Variants in UGT1A10 observed in about 807,000 individuals in gnomAD.
UGT1A10 encodes UDP glucuronosyltransferase family 1 member A10, also known as UDP-glucuronosyltransferase 1A10.
Under a neutral mutation model 45.8 loss-of-function variants are expected in UGT1A10, and 49 were observed. The observed-to-expected ratio is 1.07, with a 90% confidence interval of 0.85 to 1.36. The LOEUF is 1.36. UGT1A10 is among the 40% of genes most tolerant of loss of function. The pLI is 0.00. For synonymous variants in UGT1A10, 284 were observed against 249.7 expected, an observed-to-expected ratio of 1.14 and a Z score of -1.29; for missense variants, 745 against 668.6, an observed-to-expected ratio of 1.11 and a Z score of -1.26.
chr2:233,637,815 G>A (rs2073341296), intron 1 of UGT1A10, among the ~76,000 whole-genome samples: 1 of 152,074 alleles, frequency 6.6e-6, no homozygotes. Flanking sequence ...CTAGTATTGG[G>A]CTGAACATAT....
At chr2:233,688,087 T>C (rs1438237954) in intron 1 of UGT1A10, among the ~76,000 whole-genome samples, 1 of 152,198 alleles carries the variant, frequency 6.6e-6, no homozygotes, top group Non-Finnish European at 1.5e-5. Context: ...TGGCAGTCAC[T>C]CCTTATTTCT....
At chr2:233,751,205 G>C (rs1471569540) in intron 1 of UGT1A10, among the ~76,000 whole-genome samples, 1 of 151,980 alleles carries the variant, frequency 6.6e-6, no homozygotes, top group East Asian at 1.9e-4. Context: ...TAATTTTGGA[G>C]CTTTAAGATT....
intron 1 of UGT1A10, among the ~76,000 whole-genome samples, chr2:233,679,592 T>C (rs746146056): frequency 6.6e-6 from 1 of 152,178 alleles, no homozygotes; most frequent in Non-Finnish European, 1.5e-5. Context: ...TAGGGCACTG[T>C]CATCTGTATT....
intron 1 of UGT1A10, among the ~76,000 whole-genome samples, chr2:233,715,640 T>C (rs6749496): frequency 0.45 from 68,545 of 151,744 alleles, 16,739 homozygotes; most frequent in African/African-American, 0.65. Flanking sequence ...GGTGTGATGG[T>C]GCACACCTGT....
chr2:233,657,960 T>C (rs1000071598), intron 1 of UGT1A10, among the ~76,000 whole-genome samples: 1 of 152,122 alleles, frequency 6.6e-6, no homozygotes, highest in Non-Finnish European at 1.5e-5. Flanking sequence ...TTTAGATTTA[T>C]GCAAGGTTGC....
intron 1 of UGT1A10, among the ~76,000 whole-genome samples, chr2:233,715,560 C>G (rs1442494993): frequency 6.6e-6 from 1 of 151,940 alleles, no homozygotes; most frequent in Non-Finnish European, 1.5e-5. Context: ...TTGCTTGAGC[C>G]CAGGAGTCTG....
At chr2:233,671,951 G>A in intron 1 of UGT1A10, 1 of 1,612,762 alleles carries the variant, frequency 6.2e-7, no homozygotes, top group Non-Finnish European at 8.5e-7. Flanking sequence ...TGCACAGGGT[G>A]GACCAGCCCC....
chr2:233,647,070 C>T (rs1323093558), intron 1 of UGT1A10, among the ~76,000 whole-genome samples: 1 of 152,154 alleles, frequency 6.6e-6, no homozygotes, highest in Non-Finnish European at 1.5e-5. Context: ...TGGCAGCAGG[C>T]AAAGAAAGAG....
At position 233,726,533 on chromosome 2, in the gene UGT1A10, T is replaced by A. The variant is rs137884308; in HGVS notation, c.856-40501T>A. 1.1e-3 allele frequency among the ~76,000 whole-genome samples: 170 copies of A among 152,338 alleles called. 1 individual carries two copies. Among genetic ancestry groups the A allele is most frequent in the African/African-American group, 3.9e-3 (162 of 41,582 alleles). On this transcript the variant is annotated intron_variant, in intron 1 of 4. Coordinates refer to ENST00000344644, the MANE Select transcript of UGT1A10 (RefSeq NM_019075.4). ...TGGTACTTTTCCACTTTTAGGGAGATGCAGTGCAGCGTCTTCAAGTCTCCC... is the reference window on the plus strand; with the variant it reads ...TGGTACTTTTCCACTTTTAGGGAGAAGCAGTGCAGCGTCTTCAAGTCTCCC...
intron 1 of UGT1A10, among the ~76,000 whole-genome samples, chr2:233,707,554 G>GTTTTTTTTTTTTTTTTTTTTTTT (rs2075972438): frequency 7.1e-6 from 1 of 141,820 alleles, no homozygotes. Context: ...TTTTTTTTTG[G>GTTTTTTTTTTTTTTTTTTTTTTT]TTCAACCTTA....
chr2:233,690,446 T>G, intron 1 of UGT1A10: 3 of 1,286,108 alleles, frequency 2.3e-6, no homozygotes, highest in Non-Finnish European at 3.0e-6. Flanking sequence ...CTCTCCTCTA[T>G]TCAAAATGCC....
At chr2:233,639,161 T>C (rs1449959660) in intron 1 of UGT1A10, among the ~76,000 whole-genome samples, 1 of 152,246 alleles carries the variant, frequency 6.6e-6, no homozygotes, top group African/African-American at 2.4e-5. Flanking sequence ...AAATGAAACA[T>C]TAAACTATAT....
At chr2:233,760,461 T>A in intron 1 of UGT1A10, 1 of 1,614,224 alleles carries the variant, frequency 6.2e-7, no homozygotes, top group Non-Finnish European at 8.5e-7. Context: ...ATGAAATAGT[T>A]GTCCTAGCAC....
Position 233,637,301 on chromosome 2 carries a change from A to G in UGT1A10, c.779A>G (p.Asp260Gly), listed in dbSNP as rs764913978. The change falls in exon 1 of 5, where the codon GAC becomes GGC. Residue 260 changes from aspartate to glycine, a missense_variant. Physicochemically the swap from Asp to Gly is moderately conservative, Grantham distance 94. Transcript: ENST00000344644. ...TTGTTGCGAACGGACTTTGTTTTGG[A>G]CTATCCCAAACCCGTGATGCCCAAC... ...IWLLRTDFVL[D>G]YPKPVMPNMI... The G allele has an allele frequency of 6.2e-7, 1 of 1,613,834 alleles. No individual in the cohort carries two copies. Among genetic ancestry groups the G allele is most frequent in the Non-Finnish European group, 8.5e-7 (1 of 1,179,872 alleles).
intron 1 of UGT1A10, chr2:233,718,134 G>A: frequency 3.8e-6 from 1 of 266,146 alleles, no homozygotes; most frequent in East Asian, 8.0e-5. Flanking sequence ...TGTAGATGGA[G>A]AATCCTCAAT....
In UGT1A10 at chr2:233,682,719, A is replaced by G. The variant is rs149070815; in HGVS notation, c.855+45342A>G. On this transcript the variant is annotated intron_variant, in intron 1 of 4. Transcript: ENST00000344644. ...TTGCGAACTGACTTTGTTTTGGAGT[A>G]TCCCAAACCCGTGATGCCCAATATG... 90 of 1,613,892 alleles carry G rather than the reference A, an allele frequency of 5.6e-5. No individual in the cohort carries two copies. The highest frequency in any genetic ancestry group is 5.0e-4 in the Middle Eastern group (3 of 6,054).
chr2:233,712,856 C>T, intron 1 of UGT1A10: 12 of 1,553,654 alleles, frequency 7.7e-6, no homozygotes, highest in Non-Finnish European at 1.0e-5. Context: ...TAATAAGTAA[C>T]TGGAGGAGGG....
intron 1 of UGT1A10, among the ~76,000 whole-genome samples, chr2:233,747,015 G>T (rs911515983): frequency 6.6e-6 from 1 of 151,822 alleles, no homozygotes; most frequent in Non-Finnish European, 1.5e-5. Context: ...AGGAGTGATC[G>T]GTCTTTCCCG....
chr2:233,720,111 A>T (rs375337580), intron 1 of UGT1A10, among the ~76,000 whole-genome samples: 1 of 152,208 alleles, frequency 6.6e-6, no homozygotes, highest in African/African-American at 2.4e-5. Context: ...ATCTTGCGAA[A>T]GATACAGAGG....
Sources: allele counts gnomAD v4.1 joint callset (sites outside exome capture counted in the v4.1 genomes callset), GRCh38; gene constraint gnomAD v4.1.1; transcripts MANE v1.5; gene names NCBI Gene and HGNC (gene_info 2026-07-23, HGNC 2026-07-21).